NRG2: variants seen among roughly 807,000 people sequenced by gnomAD.
The protein encoded by NRG2 is pro-neuregulin-2, membrane-bound isoform.
NRG2 carries 27 observed loss-of-function variants against 73.9 expected under a neutral mutation model. That is an observed-to-expected ratio of 0.37 (90% CI 0.27 to 0.50). NRG2 has a LOEUF of 0.50. NRG2 is among the 20% of genes least tolerant of loss of function. The pLI is 0.96. For synonymous variants in NRG2, 532 were observed against 541.0 expected (o/e 0.98, Z 0.23); for missense variants, 1,126 against 1,210.1 (o/e 0.93, Z 1.03).
chr5:139,993,767 C>G (rs1386612115), intron 1 of NRG2, among the ~76,000 whole-genome samples: 2 of 132,154 alleles, frequency 1.5e-5, no homozygotes, highest in Admixed American at 8.2e-5. Flanking sequence ...TATGGACAGG[C>G]AAAGATATTC....
intron 6 of NRG2, 123 bp downstream of exon 6, chr5:139,855,553 G>T (rs768874605): frequency 7.4e-6 from 6 of 809,848 alleles, no homozygotes; most frequent in South Asian, 6.0e-5. Flanking sequence ...CCGAGGGGTA[G>T]TTGGGGCCTA....
intron 6 of NRG2, among the ~76,000 whole-genome samples, chr5:139,854,882 G>A (rs895633122): frequency 4.6e-5 from 7 of 151,428 alleles, no homozygotes; most frequent in Admixed American, 2.0e-4. Context: ...TTGCTAGCTC[G>A]GCATCCAAGG....
At chr5:139,902,011 C>T (rs772183054) in intron 1 of NRG2, among the ~76,000 whole-genome samples, 1 of 152,180 alleles carries the variant, frequency 6.6e-6, no homozygotes, top group Non-Finnish European at 1.5e-5. Flanking sequence ...GAGGGCTGAG[C>T]GTAGACTGCA....
intron 5 of NRG2, 32 bp from the exon 6 acceptor site, chr5:139,855,810 G>A (rs1355291462): frequency 1.9e-6 from 3 of 1,545,002 alleles, no homozygotes; most frequent in East Asian, 2.2e-5. Flanking sequence ...GAGGGGTGGG[G>A]CAGGAGGCAA....
At chr5:139,855,582 C>T (rs375412190) in intron 6 of NRG2, 94 bp downstream of exon 6, 3 of 1,080,564 alleles carry the variant, frequency 2.8e-6, no homozygotes, top group South Asian at 1.3e-5. Flanking sequence ...TAGAGGGCTC[C>T]AGTGGGGTGG....
intron 2 of NRG2, among the ~76,000 whole-genome samples, chr5:139,881,688 C>T (rs1198574222): frequency 2.0e-5 from 3 of 152,252 alleles, no homozygotes; most frequent in Admixed American, 1.3e-4. Flanking sequence ...AGAGGGACTT[C>T]CTGACTTGCC....
intron 1 of NRG2, among the ~76,000 whole-genome samples, chr5:140,030,217 T>G (rs1201185767): frequency 1.3e-5 from 2 of 152,166 alleles, no homozygotes. Context: ...CTCTTATACT[T>G]ATAAAAATAT....
chr5:139,920,392 G>A (rs1751571141), intron 1 of NRG2, among the ~76,000 whole-genome samples: 1 of 152,096 alleles, frequency 6.6e-6, no homozygotes. Flanking sequence ...TTGAGAGTAG[G>A]GATTACATCT....
At chr5:139,981,135 G>T (rs1410797489) in intron 1 of NRG2, among the ~76,000 whole-genome samples, 1 of 152,202 alleles carries the variant, frequency 6.6e-6, no homozygotes, top group Non-Finnish European at 1.5e-5. Flanking sequence ...TGCTGGGCTT[G>T]CTGTACACGC....
chr5:139,851,806 C>G lies in NRG2; in HGVS notation c.1570G>C (p.Glu524Gln). 2 of 1,614,186 alleles carry G rather than the reference C, an allele frequency of 1.2e-6. No homozygotes were observed. Among genetic ancestry groups the G allele is most frequent in the South Asian group, 2.2e-5 (2 of 91,082 alleles). The part of the protein sequence containing the change: ...HRHESHTWSL[E>Q]RSESLTSDSQ... ...TCAGAAGTCAGGCTCTCAGAACGTTCCAGGCTCCACGTGTGGCTCTCGTGT... is the reference window on the plus strand; with the variant it reads ...TCAGAAGTCAGGCTCTCAGAACGTTGCAGGCTCCACGTGTGGCTCTCGTGT... Residue 524 changes from glutamate (E) to glutamine (Q), a missense_variant, in exon 9 of 10, where the codon GAA becomes CAA. By Grantham distance (29) the Glu-to-Gln change is conservative. This residue lies in a region of NRG2 where 539 missense variants were observed against 703.2 expected (regional missense o/e 0.77). Coordinates refer to ENST00000361474, the MANE Select transcript of NRG2 (RefSeq NM_004883.3). The surrounding 1 kb of genome is among the most constrained non-coding windows in gnomAD (Gnocchi z 4.2).
chr5:139,860,007 G>A (rs1762052131), intron 5 of NRG2: 4 of 1,304,014 alleles, frequency 3.1e-6, no homozygotes, highest in Non-Finnish European at 4.4e-6. Context: ...CAGAAACGTT[G>A]GTCAGGACTC....
At position 139,865,703 on chromosome 5, in the gene NRG2, A is replaced by C. The variant is rs772886690; in HGVS notation, c.1113-78T>G. Reference sequence around the variant, plus strand: ...GCTAAGGTTAGAAATCAAAGTGCACAGTGATGAATGAGAAAAACCAAGTCA... The same window carrying C: ...GCTAAGGTTAGAAATCAAAGTGCACCGTGATGAATGAGAAAAACCAAGTCA... On this transcript the variant is annotated intron_variant, in intron 4 of 9. Coordinates refer to ENST00000361474, the MANE Select transcript of NRG2 (RefSeq NM_004883.3). This position sits in a 1 kb window ranked among gnomAD's most constrained non-coding sequence, Gnocchi z 5.2. 9.4e-5 allele frequency: 118 copies of C among 1,256,586 alleles called. No individual in the cohort carries two copies. Among genetic ancestry groups the C allele is most frequent in the Non-Finnish European group, 1.3e-4 (112 of 883,506 alleles). 77.8% of individuals were successfully genotyped at this position (1,256,586 alleles called of 1,614,324 possible).
intron 1 of NRG2, among the ~76,000 whole-genome samples, chr5:139,913,451 A>G (rs370332161): frequency 1.3e-4 from 20 of 152,186 alleles, no homozygotes; most frequent in African/African-American, 4.6e-4. Flanking sequence ...CTTCCTTTAC[A>G]TGATTTTATC....
intron 1 of NRG2, among the ~76,000 whole-genome samples, chr5:139,998,781 T>C (rs748737627): frequency 6.6e-6 from 1 of 151,992 alleles, no homozygotes; most frequent in Admixed American, 6.5e-5. Flanking sequence ...CAAAGAACCA[T>C]ACTGTTACTT....
intron 1 of NRG2, among the ~76,000 whole-genome samples, chr5:139,971,302 G>T (rs948958914): frequency 6.6e-6 from 1 of 152,130 alleles, no homozygotes; most frequent in Non-Finnish European, 1.5e-5. Context: ...TCCACTAGAC[G>T]GTAAGTCATC....
At chr5:139,974,100 A>G (rs1756194632) in intron 1 of NRG2, among the ~76,000 whole-genome samples, 1 of 152,190 alleles carries the variant, frequency 6.6e-6, no homozygotes, top group Non-Finnish European at 1.5e-5. Flanking sequence ...CAATTCCTAC[A>G]TACCCAGTCC....
chr5:139,940,216 T>C (rs114385114), intron 1 of NRG2, among the ~76,000 whole-genome samples: 52 of 152,322 alleles, frequency 3.4e-4, no homozygotes, highest in African/African-American at 1.2e-3. Context: ...TGGGAATGGA[T>C]AGACACATTG....
chr5:139,930,517 C>T (rs1392125204), intron 1 of NRG2, among the ~76,000 whole-genome samples: 5 of 152,226 alleles, frequency 3.3e-5, no homozygotes, highest in African/African-American at 7.2e-5. Flanking sequence ...TTCAAACTTT[C>T]GGGAAGGTTC....
chr5:139,990,913 G>A (rs1424299472), intron 1 of NRG2, among the ~76,000 whole-genome samples: 1 of 152,096 alleles, frequency 6.6e-6, no homozygotes, highest in Non-Finnish European at 1.5e-5. Flanking sequence ...TGCTGGTTTT[G>A]TGTGTTGCAA....
Sources: gnomAD v4.1 joint callset for allele counts (sites outside exome capture counted in the v4.1 genomes callset) on GRCh38, gnomAD v4.1.1 for gene constraint, gnomAD v4.1.1 regional missense constraint, Gnocchi (gnomAD v3.1) non-coding constraint, MANE v1.5 for transcripts, NCBI Gene and HGNC (gene_info 2026-07-23, HGNC 2026-07-21) for gene names.